The following NOXA1 variants were observed in gnomAD, a reference collection of about 807,000 sequenced individuals.
NOXA1 encodes NADPH oxidase activator 1, also known as NCF2-like protein.
In NOXA1, 56 loss-of-function variants were observed where a neutral mutation model predicts 64.8. The observed-to-expected ratio is 0.86, with a 90% confidence interval of 0.70 to 1.08. NOXA1 has a LOEUF of 1.08. Ranked by LOEUF, NOXA1 falls within the 50% of genes least tolerant of loss-of-function variation. The probability of loss-of-function intolerance (pLI) is 0.00; values close to 1 mark genes in which losing one functional copy is unlikely to be tolerated. For missense variants in NOXA1, 668 were observed against 658.5 expected (o/e 1.01, Z -0.16); for synonymous variants, 295 against 294.8 (o/e 1.00, Z -0.01).
At position 137,433,877 on chromosome 9, in the gene NOXA1, C is replaced by G. The variant is rs370501228; in HGVS notation, c.1179+13C>G. On this transcript the variant is annotated intron_variant, in intron 12 of 13. Transcript: ENST00000683555. ...GCTGCAGTGCAGGGTGAGCCAAGGGCGAGGCAGGGGCAGGGGCACCCTGAG... is the reference window on the plus strand; with the variant it reads ...GCTGCAGTGCAGGGTGAGCCAAGGGGGAGGCAGGGGCAGGGGCACCCTGAG... 1 of 1,467,254 alleles carries G rather than the reference C, an allele frequency of 6.8e-7. No homozygotes were observed. 90.9% of individuals were successfully genotyped at this position (1,467,254 alleles called of 1,614,324 possible). A position where few individuals can be genotyped will look rare whatever the true frequency, so the allele number is the denominator to read the frequency against.
chr9:137,429,157 C>G (rs1417352839), intron 4 of NOXA1, 119 bp from the exon 5 acceptor site: 1 of 1,341,616 alleles, frequency 7.5e-7, no homozygotes, highest in Non-Finnish European at 1.0e-6. Flanking sequence ...CTTCCTGTGA[C>G]CTGCGGGAAG....
At position 137,423,713 on chromosome 9, in the gene NOXA1, G is replaced by A. The variant is rs1838681592; in HGVS notation, c.177+7G>A. 1 of 1,278,130 alleles carries A rather than the reference G, an allele frequency of 7.8e-7. No homozygotes were observed. Among genetic ancestry groups the A allele is most frequent in the Non-Finnish European group, 9.8e-7 (1 of 1,015,304 alleles). 79.2% of individuals were successfully genotyped at this position (1,278,130 alleles called of 1,614,324 possible). On this transcript the variant is annotated splice_region_variant and intron_variant, in intron 1 of 13. Coordinates refer to ENST00000683555, the MANE Select transcript of NOXA1 (RefSeq NM_001256067.2). ...CCCCGAGGCCGCGCTGCGGGTGAGC[G>A]GGGCGTGGGGAGGCCGGTGCGGGCG...
chr9:137,428,567 A>T (rs929981583), intron 3 of NOXA1, among the ~76,000 whole-genome samples: 2 of 148,506 alleles, frequency 1.3e-5, no homozygotes, highest in Non-Finnish European at 3.0e-5. Context: ...GGACAAAAAG[A>T]TGGAAGGGAA....
intron 1 of NOXA1, 129 bp downstream of exon 1, chr9:137,423,835 G>A (rs908047269): frequency 1.5e-5 from 12 of 806,854 alleles, no homozygotes; most frequent in Non-Finnish European, 1.8e-5. Flanking sequence ...GCCCCGGCAG[G>A]TGGGAGCCGA....
rs1162798280 is a variant in NOXA1 at position 137,434,072 on chromosome 9, G to A, written c.1287G>A (p.Leu429=). The A allele has an allele frequency of 1.3e-6, 2 of 1,583,470 alleles. No homozygotes were observed. Among genetic ancestry groups the A allele is most frequent in the East Asian group, 2.3e-5 (1 of 44,140 alleles). ...GFRQGDTVDV[L]CEVDQAWLEG... is the part of the protein sequence containing the mutation. ...GACAGGGGGACACGGTGGACGTCCT[G>A]TGTGAAGGTAGGGTGGGCATGGCCC... Residue 429 remains leucine (L), a synonymous_variant, in exon 13 of 14, where the codon CTG becomes CTA. Transcript: ENST00000683555.
intron 1 of NOXA1, among the ~76,000 whole-genome samples, chr9:137,425,421 T>C (rs1325820097): frequency 6.6e-6 from 1 of 152,170 alleles, no homozygotes; most frequent in Non-Finnish European, 1.5e-5. Flanking sequence ...AATCTCGCTC[T>C]GTCTTGCAGG....
At position 137,426,263 on chromosome 9, in the gene NOXA1, G is replaced by A. The variant is rs77289873; in HGVS notation, c.193G>A (p.Val65Met). 88 of 1,613,758 alleles carry A rather than the reference G, an allele frequency of 5.5e-5. 1 individual carries two copies. In the African/African-American group the frequency reaches 9.3e-4, roughly 17 times the overall value. ...EAALRAFDQAVTKDTCMAVGF... is the reference protein window; with the variant it reads ...EAALRAFDQAMTKDTCMAVGF... ...TTGTCCCCAGGCATTTGACCAAGCC[G>A]TGACCAAGGACACCTGCATGGCGGT... Residue 65 changes from valine to methionine, a missense_variant, in exon 2 of 14, where the codon GTG becomes ATG. Transcript: ENST00000683555.
At chr9:137,428,479 AG>A (rs1838936493) in intron 3 of NOXA1, among the ~76,000 whole-genome samples, 1 of 151,342 alleles carries the variant, frequency 6.6e-6, no homozygotes, top group African/African-American at 2.4e-5. Flanking sequence ...GCACCGAAGG[AG>A]GGGTGCTGAG....
At chr9:137,426,076 C>T (rs1217851195) in intron 1 of NOXA1, among the ~76,000 whole-genome samples, 172 bp from the exon 2 acceptor site, 2 of 152,190 alleles carry the variant, frequency 1.3e-5, no homozygotes, top group African/African-American at 4.8e-5. Context: ...TGAGTGGCGA[C>T]AGCCCTGCCC....
In NOXA1 at chr9:137,434,349, G is replaced by C. The variant is rs775113816; in HGVS notation, c.1420G>C (p.Asp474His). The C allele has an allele frequency of 9.4e-6, 15 of 1,599,148 alleles. No homozygotes were observed. The highest frequency in any genetic ancestry group is 1.3e-5 in the Non-Finnish European group (15 of 1,173,768). ...PGRLPRSQQG[D>H]QP ...CCGCCTGCCCCGATCCCAGCAGGGA[G>C]ATCAGCCCTAATGATGCTGTGTCCA... The change falls in exon 14 of 14, where the codon GAT (aspartate) becomes CAT (histidine). Residue 474 changes from aspartate (D) to histidine (H), a missense_variant. By Grantham distance (81) the Asp-to-His change is moderately conservative. Transcript: ENST00000683555.
chr9:137,426,265 G>A lies in NOXA1; in HGVS notation c.195G>A (p.Val65=). 6.2e-7 allele frequency: 1 copy of A among 1,613,776 alleles called. No homozygotes were observed. Among genetic ancestry groups the A allele is most frequent in the Non-Finnish European group, 8.5e-7 (1 of 1,179,982 alleles). The change falls in exon 2 of 14, where the codon GTG becomes GTA. Residue 65 remains valine, a synonymous_variant. Transcript: ENST00000683555. ...EAALRAFDQA[V]TKDTCMAVGF... The stretch of plus-strand genomic sequence containing the variant: ...GTCCCCAGGCATTTGACCAAGCCGT[G>A]ACCAAGGACACCTGCATGGCGGTTG...
chr9:137,428,496 C>A (rs908211251), intron 3 of NOXA1, among the ~76,000 whole-genome samples: 1 of 151,604 alleles, frequency 6.6e-6, no homozygotes, highest in Admixed American at 6.6e-5. Flanking sequence ...CTGAGAGGCC[C>A]CCCCACCAGA....
rs1839102932 is a variant in NOXA1 at position 137,431,364 on chromosome 9, C to G, written c.804+23C>G. 1.3e-6 allele frequency: 2 copies of G among 1,587,152 alleles called. No homozygotes were observed. The highest frequency in any genetic ancestry group is 1.7e-5 in the Admixed American group (1 of 59,892). On this transcript the variant is annotated intron_variant, in intron 8 of 13. Coordinates refer to ENST00000683555, the MANE Select transcript of NOXA1 (RefSeq NM_001256067.2). This position sits in a 1 kb window ranked among gnomAD's most constrained non-coding sequence, Gnocchi z 5.6. Reference sequence around the variant, plus strand: ...CAGGTGCGTGGGCCTGGGCCTCTTCCCCTGCTGGGGGTCGGTGCTTCTGCT... The same window carrying G: ...CAGGTGCGTGGGCCTGGGCCTCTTCGCCTGCTGGGGGTCGGTGCTTCTGCT...
intron 8 of NOXA1, 89 bp from the exon 9 acceptor site, chr9:137,432,940 G>A: frequency 1.4e-6 from 2 of 1,426,226 alleles, no homozygotes; most frequent in South Asian, 1.2e-5. Flanking sequence ...GGGCACACAG[G>A]CCACACCCTT....
At position 137,423,698 on chromosome 9, in the gene NOXA1, G is replaced by C. The variant is rs1369674130; in HGVS notation, c.169G>C (p.Ala57Pro). 6.1e-6 allele frequency: 8 copies of C among 1,318,558 alleles called. No individual in the cohort carries two copies. Among genetic ancestry groups the C allele is most frequent in the Non-Finnish European group, 7.7e-6 (8 of 1,035,630 alleles). 81.7% of individuals were successfully genotyped at this position (1,318,558 alleles called of 1,614,324 possible). A position where few individuals can be genotyped will look rare whatever the true frequency, so the allele number is the denominator to read the frequency against. The part of the protein sequence containing the change: ...VHLLAGDPEA[A>P]LRAFDQAVTK... Reference sequence around the variant, plus strand: ...CCTGCTGGCCGGGGACCCCGAGGCCGCGCTGCGGGTGAGCGGGGCGTGGGG... The same window carrying C: ...CCTGCTGGCCGGGGACCCCGAGGCCCCGCTGCGGGTGAGCGGGGCGTGGGG... Residue 57 changes from alanine (A) to proline (P), a missense_variant, in exon 1 of 14, where the codon GCG (alanine) becomes CCG (proline). By Grantham distance (27) the Ala-to-Pro change is conservative. Transcript: ENST00000683555.
rs756433242 is a variant in NOXA1, at chr9:137,433,529, G to A, written c.986G>A (p.Arg329Gln). The A allele has an allele frequency of 3.7e-5, 59 of 1,594,018 alleles. No homozygotes were observed. Among genetic ancestry groups the A allele is most frequent in the Non-Finnish European group, 4.4e-5 (52 of 1,173,898 alleles). ...QCAFTVALRA[R>Q]RGADLSSLRA... ...GCCTTCACAGTGGCCCTGAGGGCAC[G>A]AAGAGGAGCCGACCTGTCCAGCCTG... The change falls in exon 11 of 14, where the codon CGA becomes CAA. Residue 329 changes from arginine (R) to glutamine (Q), a missense_variant. Arg to Gln is a conservative substitution (Grantham distance 43). Coordinates refer to ENST00000683555, the MANE Select transcript of NOXA1 (RefSeq NM_001256067.2).
At position 137,434,039 on chromosome 9, in the gene NOXA1, G is replaced by C. The variant is rs1292227679; in HGVS notation, c.1254G>C (p.Leu418=). 14 of 1,575,928 alleles carry C rather than the reference G, an allele frequency of 8.9e-6. No individual in the cohort carries two copies. The highest frequency in any genetic ancestry group is 1.1e-5 in the Non-Finnish European group (13 of 1,165,840). ...ACTCCGCCCAGGGGCCAGAGGACCT[G>C]GGCTTCCGACAGGGGGACACGGTGG... is the stretch of plus-strand genomic sequence containing the variant. ...HSYSAQGPED[L]GFRQGDTVDV... Residue 418 remains leucine (L), a synonymous_variant, in exon 13 of 14, where the codon CTG becomes CTC. Transcript: ENST00000683555.
At chr9:137,433,707 C>A in intron 11 of NOXA1, 43 bp from the exon 12 acceptor site, 1 of 1,479,818 alleles carries the variant, frequency 6.8e-7, no homozygotes, top group Admixed American at 2.3e-5. Flanking sequence ...GCCCTCCCTG[C>A]AGGCCCCACC....
Position 137,429,311 on chromosome 9 carries a change from G to C in NOXA1, c.540G>C (p.Arg180Ser), listed in dbSNP as rs1372950971. ...CACTGCCGCCACGGCAGGTCCCCAG[G>C]GGCGAGGTCTTCCGGCCCCACCGGT... Reference protein sequence around the residue: ...RGSLPPRQVPRGEVFRPHRWH... With the variant: ...RGSLPPRQVPSGEVFRPHRWH... Residue 180 changes from arginine (R) to serine (S), a missense_variant, in exon 5 of 14, where the codon AGG becomes AGC. Coordinates refer to ENST00000683555, the MANE Select transcript of NOXA1 (RefSeq NM_001256067.2). The C allele has an allele frequency of 6.3e-7, 1 of 1,577,072 alleles. No homozygotes were observed. Among genetic ancestry groups the C allele is most frequent in the East Asian group, 2.3e-5 (1 of 43,336 alleles).
Sources: allele counts gnomAD v4.1 joint callset (sites outside exome capture counted in the v4.1 genomes callset), GRCh38; gene constraint gnomAD v4.1.1; non-coding constraint Gnocchi (gnomAD v3.1); transcripts MANE v1.5; gene names NCBI Gene and HGNC (gene_info 2026-07-23, HGNC 2026-07-21).